CHSY3: variants seen among roughly 807,000 people sequenced by gnomAD.
CHSY3 encodes chondroitin sulfate synthase 3, also known as N-acetylgalactosaminyl-proteoglycan 3-beta-glucuronosyltransferase 3.
In CHSY3, 35 loss-of-function variants were observed where a neutral mutation model predicts 67.2. That is an observed-to-expected ratio of 0.52 (90% CI 0.40 to 0.69). The LOEUF (loss-of-function observed/expected upper bound fraction) is 0.69. Ranked by LOEUF, CHSY3 falls within the 30% of genes least tolerant of loss-of-function variation. The pLI is 0.00. For missense variants in CHSY3, 1,069 were observed against 1,138.5 expected (o/e 0.94, Z 0.88); for synonymous variants, 474 against 434.7 (o/e 1.09, Z -1.12).
intron 2 of CHSY3, among the ~76,000 whole-genome samples, chr5:129,985,307 C>T (rs1763157887): frequency 6.6e-6 from 1 of 152,120 alleles, no homozygotes; most frequent in Non-Finnish European, 1.5e-5. Flanking sequence ...TTGTTATTGT[C>T]AGCTTTGTTG....
chr5:129,956,846 A>AT (rs1762191221), intron 2 of CHSY3, among the ~76,000 whole-genome samples: 1 of 152,012 alleles, frequency 6.6e-6, no homozygotes, highest in African/African-American at 2.4e-5. Context: ...TACCAGTACC[A>AT]TGCTGTTTTC....
chr5:129,981,882 T>C (rs1379727581), intron 2 of CHSY3, among the ~76,000 whole-genome samples: 1 of 152,224 alleles, frequency 6.6e-6, no homozygotes, highest in East Asian at 1.9e-4. Context: ...CCCCTTTTCC[T>C]AGTTTACTGA....
intron 2 of CHSY3, among the ~76,000 whole-genome samples, chr5:129,970,447 T>TAGATAGAC (rs1554073500): frequency 1.1e-3 from 130 of 123,728 alleles, no homozygotes; most frequent in African/African-American, 3.5e-3. Context: ...GATAGATAGA[T>TAGATAGAC]AGACAGACAG....
chr5:130,035,960 A>T (rs1350979693), intron 2 of CHSY3, among the ~76,000 whole-genome samples: 2 of 133,770 alleles, frequency 1.5e-5, no homozygotes, highest in Admixed American at 1.7e-4. Context: ...GTGAGGTATG[A>T]TCATCAAACT....
chr5:130,033,297 A>T (rs946870209), intron 2 of CHSY3, among the ~76,000 whole-genome samples: 2 of 151,980 alleles, frequency 1.3e-5, no homozygotes, highest in African/African-American at 4.8e-5. Flanking sequence ...TATCCCTTCA[A>T]CCCCGGCATA....
At chr5:129,910,958 A>G (rs1426959531) in intron 2 of CHSY3, among the ~76,000 whole-genome samples, 2 of 146,850 alleles carry the variant, frequency 1.4e-5, no homozygotes, top group Non-Finnish European at 3.0e-5. Context: ...TCTTTTATCT[A>G]TGCCTTTCAC....
intron 2 of CHSY3, among the ~76,000 whole-genome samples, chr5:129,929,096 T>G (rs3866900): frequency 0.57 from 86,010 of 151,908 alleles, 24,434 homozygotes; most frequent in Middle Eastern, 0.63. Flanking sequence ...AATAGACAAG[T>G]TCAAGTATAT....
intron 2 of CHSY3, among the ~76,000 whole-genome samples, chr5:130,087,820 C>A (rs1477065942): frequency 6.6e-6 from 1 of 151,362 alleles, no homozygotes; most frequent in South Asian, 2.1e-4. Flanking sequence ...TCAATGCCAT[C>A]CCCATCAAGC....
At chr5:130,091,140 ACG>A (rs57833866) in intron 2 of CHSY3, among the ~76,000 whole-genome samples, 5 of 123,298 alleles carry the variant, frequency 4.1e-5, no homozygotes, top group Non-Finnish European at 8.5e-5. Flanking sequence ...ACACACGCAC[ACG>A]CGCGCACACA....
At chr5:130,054,474 T>C (rs1765463332) in intron 2 of CHSY3, among the ~76,000 whole-genome samples, 1 of 152,140 alleles carries the variant, frequency 6.6e-6, no homozygotes, top group Non-Finnish European at 1.5e-5. Context: ...TCTAGTGAAG[T>C]AGTTAAGAAG....
intron 2 of CHSY3, among the ~76,000 whole-genome samples, chr5:129,972,760 G>A (rs1762680844): frequency 6.6e-6 from 1 of 152,016 alleles, no homozygotes; most frequent in East Asian, 1.9e-4. Context: ...AATGAGTGGG[G>A]AAACCATCTT....
intron 2 of CHSY3, among the ~76,000 whole-genome samples, chr5:129,947,539 C>T (rs76014296): frequency 6.6e-6 from 1 of 151,758 alleles, no homozygotes; most frequent in Non-Finnish European, 1.5e-5. Context: ...ATAAGAATCA[C>T]TTGAACCTGA....
At chr5:129,967,506 T>C (rs1762503465) in intron 2 of CHSY3, among the ~76,000 whole-genome samples, 1 of 151,900 alleles carries the variant, frequency 6.6e-6, no homozygotes, top group Non-Finnish European at 1.5e-5. Flanking sequence ...AAAGATCTAA[T>C]ATTTACCAGT....
At position 129,904,611 on chromosome 5, in the gene CHSY3, A is replaced by T; in HGVS notation, c.-219A>T. On this transcript the variant is annotated 5_prime_UTR_variant, in exon 1 of 3. Coordinates refer to ENST00000305031, the MANE Select transcript of CHSY3 (RefSeq NM_175856.5). ...AGTTTCACTCCCGACCCTTGCTCGG[A>T]GCCCCGGCCCAGAGCTGAGCGGGAG... 1.4e-6 allele frequency: 1 copy of T among 691,370 alleles called. No homozygotes were observed. The highest frequency in any genetic ancestry group is 2.0e-6 in the Non-Finnish European group (1 of 506,838). 42.8% of individuals were successfully genotyped at this position (691,370 alleles called of 1,614,324 possible). A position where few individuals can be genotyped will look rare whatever the true frequency, so the allele number is the denominator to read the frequency against.
At chr5:130,021,996 T>C (rs1764406921) in intron 2 of CHSY3, among the ~76,000 whole-genome samples, 1 of 152,090 alleles carries the variant, frequency 6.6e-6, no homozygotes, top group South Asian at 2.1e-4. Flanking sequence ...GAAATCATTA[T>C]TCTTTATTTG....
At chr5:130,060,474 C>T (rs796658832) in intron 2 of CHSY3, among the ~76,000 whole-genome samples, 5 of 152,072 alleles carry the variant, frequency 3.3e-5, no homozygotes, top group Admixed American at 2.0e-4. Context: ...GGGGAAAAGT[C>T]GAAAGCCTTT....
At chr5:130,048,405 A>G (rs1212791635) in intron 2 of CHSY3, among the ~76,000 whole-genome samples, 1 of 152,000 alleles carries the variant, frequency 6.6e-6, no homozygotes, top group Non-Finnish European at 1.5e-5. Context: ...ATTATTTTAT[A>G]GTTTGAAACT....
chr5:130,082,112 C>G (rs1183206864), intron 2 of CHSY3, among the ~76,000 whole-genome samples: 2 of 151,934 alleles, frequency 1.3e-5, no homozygotes, highest in Non-Finnish European at 2.9e-5. Flanking sequence ...ATTACGTTTC[C>G]CATCTGAATC....
At chr5:130,159,049 C>T (rs891428791) in intron 2 of CHSY3, among the ~76,000 whole-genome samples, 2 of 152,082 alleles carry the variant, frequency 1.3e-5, no homozygotes, top group Non-Finnish European at 2.9e-5. Flanking sequence ...ATCTGCCTGC[C>T]TCAGCCTCCC....
Sources: allele counts gnomAD v4.1 joint callset (sites outside exome capture counted in the v4.1 genomes callset), GRCh38; gene constraint gnomAD v4.1.1; transcripts MANE v1.5; gene names NCBI Gene and HGNC (gene_info 2026-07-23, HGNC 2026-07-21).